The following NCAM2 variants were observed in gnomAD, a reference collection of about 807,000 sequenced individuals.
NCAM2 encodes the protein N-CAM-2.
Under a neutral mutation model 98.1 loss-of-function variants are expected in NCAM2, and 30 were observed. The observed-to-expected ratio is 0.31, with a 90% CI of 0.23 to 0.41. The LOEUF is 0.41. Ranked by LOEUF, NCAM2 falls within the 10% of genes least tolerant of loss-of-function variation. NCAM2 has a pLI of 1.00. For synonymous variants in NCAM2, 368 were observed against 342.4 expected, an observed-to-expected ratio of 1.07 and a Z score of -0.83; for missense variants, 867 against 1,005.8, an observed-to-expected ratio of 0.86 and a Z score of 1.87.
intron 11 of NCAM2, among the ~76,000 whole-genome samples, chr21:21,425,649 A>G (rs1473964851): frequency 6.6e-6 from 1 of 152,110 alleles, no homozygotes; most frequent in African/African-American, 2.4e-5. Context: ...TAAGAACAAA[A>G]AAAAAATGAA....
chr21:21,043,108 A>G (rs1175655100), intron 1 of NCAM2, among the ~76,000 whole-genome samples: 2 of 152,218 alleles, frequency 1.3e-5, no homozygotes, highest in African/African-American at 4.8e-5. Flanking sequence ...AAGCATTTAC[A>G]TATCAAGCCA....
chr21:21,272,934 T>TCTCACACACACACACA (rs201698643), intron 1 of NCAM2, among the ~76,000 whole-genome samples: 3 of 124,788 alleles, frequency 2.4e-5, no homozygotes, highest in African/African-American at 9.4e-5. Context: ...GGACATGCAT[T>TCTCACACACACACACA]CACACACACA....
At chr21:21,486,352 C>T (rs769468519) in intron 15 of NCAM2, among the ~76,000 whole-genome samples, 5 of 151,332 alleles carry the variant, frequency 3.3e-5, no homozygotes, top group Non-Finnish European at 5.9e-5. Context: ...CCTTTCTCCC[C>T]TGCTGAGATA....
In NCAM2 at chr21:21,286,348, C is replaced by G. The variant is rs955106877; in HGVS notation, c.417C>G (p.Ser139Arg). 5.6e-6 allele frequency: 9 copies of G among 1,612,408 alleles called. No individual in the cohort carries two copies. The highest frequency in any genetic ancestry group is 7.6e-6 in the Non-Finnish European group (9 of 1,179,022). ...ATGCAGAAGTGGTTTGCCGAGTTAG[C>G]AGTTCACCTGCACCTGCTGTCAGCT... ...GEDAEVVCRV[S>R]SSPAPAVSWL... The change falls in exon 4 of 18, where the codon AGC (serine) becomes AGG (arginine). Residue 139 changes from serine (S) to arginine (R), a missense_variant. Physicochemically the swap from Ser to Arg is moderately radical, Grantham distance 110. Coordinates refer to ENST00000400546, the MANE Select transcript of NCAM2 (RefSeq NM_004540.5).
intron 1 of NCAM2, among the ~76,000 whole-genome samples, chr21:21,095,682 A>T (rs986023381): frequency 6.6e-6 from 1 of 151,630 alleles, no homozygotes; most frequent in Admixed American, 6.6e-5. Context: ...AAATAACTAG[A>T]AGCAAGGACC....
chr21:21,382,674 C>T (rs1012333568), intron 9 of NCAM2, among the ~76,000 whole-genome samples: 3 of 151,772 alleles, frequency 2.0e-5, no homozygotes, highest in African/African-American at 7.3e-5. Context: ...TGCCACCATG[C>T]GAGGCTAATT....
intron 1 of NCAM2, among the ~76,000 whole-genome samples, chr21:21,022,813 GA>G (rs1431365504): frequency 1.3e-5 from 2 of 152,052 alleles, no homozygotes; most frequent in Non-Finnish European, 2.9e-5. Context: ...TTTTAACCGG[GA>G]AAAGGTGAGG....
rs543337037 is a variant in NCAM2 at position 21,452,361 on chromosome 21, A to G, written c.1655-14245A>G. ...TAACAAAAACTGAAAAGCACCTACT[A>G]TGTTTAGGGAGATTTTAGAATTTTG... On this transcript the variant is annotated intron_variant, in intron 12 of 17. Coordinates refer to ENST00000400546, the MANE Select transcript of NCAM2 (RefSeq NM_004540.5). Among the ~76,000 whole-genome samples, 580 of 136,144 alleles carry G rather than the reference A, an allele frequency of 4.3e-3. 5 individuals carry two copies. The highest frequency in any genetic ancestry group is 4.5e-3 in the Non-Finnish European group (271 of 60,618). 89.3% of individuals were successfully genotyped at this position (136,144 alleles called of 152,430 possible).
chr21:21,035,091 T>G (rs2064770573), intron 1 of NCAM2, among the ~76,000 whole-genome samples: 1 of 152,176 alleles, frequency 6.6e-6, no homozygotes, highest in Non-Finnish European at 1.5e-5. Context: ...AGTAGCATTT[T>G]TTAATTTAAC....
intron 12 of NCAM2, among the ~76,000 whole-genome samples, chr21:21,439,914 T>C (rs1978988163): frequency 6.6e-6 from 1 of 152,146 alleles, no homozygotes; most frequent in Non-Finnish European, 1.5e-5. Context: ...GAGTCATTGG[T>C]TTCATTAGTG....
chr21:21,265,458 A>AAT, intron 1 of NCAM2, among the ~76,000 whole-genome samples: 1 of 139,730 alleles, frequency 7.2e-6, no homozygotes, highest in African/African-American at 2.6e-5. Context: ...ACACATATAT[A>AAT]ATATATGTGT....
At chr21:21,129,398 C>G (rs2826666) in intron 1 of NCAM2, among the ~76,000 whole-genome samples, 22,342 of 152,112 alleles carry the variant, frequency 0.15, 1,816 homozygotes, top group East Asian at 0.33. Context: ...AGTAATGACT[C>G]AACTAGTCTT....
rs186220707 is a variant in NCAM2, at chr21:21,072,551, C to T, written c.55+73933C>T. On this transcript the variant is annotated intron_variant, in intron 1 of 17. Transcript: ENST00000400546. Reference sequence around the variant, plus strand: ...ATCATTAAAAAGTTTTATAGAGGACCAGATAAATAAATTAGACTTTTTGCT... The same window carrying T: ...ATCATTAAAAAGTTTTATAGAGGACTAGATAAATAAATTAGACTTTTTGCT... 3.9e-3 allele frequency among the ~76,000 whole-genome samples: 590 copies of T among 152,078 alleles called. 4 individuals carry two copies. The highest frequency in any genetic ancestry group is 4.1e-3 in the Non-Finnish European group (280 of 67,976).
chr21:21,308,941 C>G (rs1446307698), intron 5 of NCAM2, among the ~76,000 whole-genome samples: 1 of 151,938 alleles, frequency 6.6e-6, no homozygotes, highest in Admixed American at 6.6e-5. Context: ...ACTGTTCATT[C>G]TGCTGAAGGC....
intron 15 of NCAM2, among the ~76,000 whole-genome samples, chr21:21,488,232 CAT>C (rs745372359): frequency 6.6e-6 from 1 of 151,716 alleles, no homozygotes; most frequent in East Asian, 1.9e-4. Context: ...TCCTAGTGCA[CAT>C]GTTACACACA....
chr21:21,363,140 C>A (rs1295091201), intron 8 of NCAM2, among the ~76,000 whole-genome samples: 1 of 152,038 alleles, frequency 6.6e-6, no homozygotes, highest in East Asian at 1.9e-4. Context: ...ACTAGAATCT[C>A]TTTTGGGGCC....
chr21:21,143,076 A>G (rs752882919), intron 1 of NCAM2, among the ~76,000 whole-genome samples: 1 of 152,154 alleles, frequency 6.6e-6, no homozygotes, highest in Non-Finnish European at 1.5e-5. Flanking sequence ...TCGAAGGGTA[A>G]TGATTAAGTT....
intron 1 of NCAM2, among the ~76,000 whole-genome samples, chr21:21,256,542 A>G (rs2071680741): frequency 6.6e-6 from 1 of 152,166 alleles, no homozygotes; most frequent in Non-Finnish European, 1.5e-5. Flanking sequence ...ACACACCATT[A>G]ATTATAAGTC....
intron 15 of NCAM2, among the ~76,000 whole-genome samples, chr21:21,490,592 A>G (rs1252180050): frequency 6.6e-6 from 1 of 151,894 alleles, no homozygotes; most frequent in Non-Finnish European, 1.5e-5. Context: ...TATGTACTGA[A>G]TAGGGGCTAC....
Sources: gnomAD v4.1 joint callset for allele counts (sites outside exome capture counted in the v4.1 genomes callset) on GRCh38, gnomAD v4.1.1 for gene constraint, MANE v1.5 for transcripts, NCBI Gene and HGNC (gene_info 2026-07-23, HGNC 2026-07-21) for gene names.